Variants in ZPLD1 observed in about 807,000 individuals in gnomAD.
ZPLD1 encodes the protein zona pellucida like domain containing 1.
Under a neutral mutation model 47.2 loss-of-function variants are expected in ZPLD1, and 34 were observed. That is an observed-to-expected ratio of 0.72 (90% CI 0.55 to 0.96). The LOEUF is 0.96. ZPLD1 is among the 40% of genes least tolerant of loss of function. The pLI, the probability that ZPLD1 is intolerant of heterozygous loss-of-function variation, is 0.00. For missense variants in ZPLD1, 512 were observed against 505.8 expected (o/e 1.01, Z -0.12); for synonymous variants, 176 against 186.2 (o/e 0.95, Z 0.45).
chr3:102,440,860 G>A (rs764726985), intron 3 of ZPLD1, among the ~76,000 whole-genome samples: 3 of 151,942 alleles, frequency 2.0e-5, no homozygotes, highest in Non-Finnish European at 4.4e-5. Context: ...TGAGTAAAGG[G>A]AGAGTATTAA....
At chr3:102,418,229 C>T (rs1469000035) in intron 8 of ZPLD1, 3 of 152,368 alleles carry the variant, frequency 2.0e-5, no homozygotes, top group African/African-American at 7.3e-5. Context: ...GCACTGAAGC[C>T]ACCTGAAGTG....
At chr3:102,409,705 T>C (rs1457420360) in intron 7 of ZPLD1, among the ~76,000 whole-genome samples, 1 of 151,812 alleles carries the variant, frequency 6.6e-6, no homozygotes, top group Non-Finnish European at 1.5e-5. Flanking sequence ...CACAATTACC[T>C]ATGGAGTTTC....
At chr3:102,385,694 T>A (rs1427471830) in intron 6 of ZPLD1, among the ~76,000 whole-genome samples, 1 of 152,208 alleles carries the variant, frequency 6.6e-6, no homozygotes, top group Non-Finnish European at 1.5e-5. Flanking sequence ...CTACACAGAA[T>A]CATGTGCCAA....
At chr3:102,447,347 A>C (rs1268383247) in intron 3 of ZPLD1, among the ~76,000 whole-genome samples, 1 of 152,162 alleles carries the variant, frequency 6.6e-6, no homozygotes, top group East Asian at 1.9e-4. Context: ...TACAAGCGTG[A>C]GCCACCACAC....
intron 3 of ZPLD1, among the ~76,000 whole-genome samples, chr3:102,450,390 C>T (rs1707319461): frequency 6.6e-6 from 1 of 152,272 alleles, no homozygotes; most frequent in Admixed American, 6.5e-5. Flanking sequence ...TTCTCGTGCT[C>T]CTATTGTAGG....
chr3:102,446,474 C>T (rs996512121), intron 3 of ZPLD1, among the ~76,000 whole-genome samples: 1 of 151,892 alleles, frequency 6.6e-6, no homozygotes, highest in African/African-American at 2.4e-5. Flanking sequence ...GTTTTCTGTC[C>T]CCAAATATTA....
At chr3:102,427,165 CGTGATT>C (rs1706958186) in intron 8 of ZPLD1, among the ~76,000 whole-genome samples, 1 of 152,148 alleles carries the variant, frequency 6.6e-6, no homozygotes, top group African/African-American at 2.4e-5. Flanking sequence ...TATTTTATTT[CGTGATT>C]ATTGCTTCCT....
At chr3:102,428,119 A>C (rs1489476818) in intron 8 of ZPLD1, among the ~76,000 whole-genome samples, 3 of 152,210 alleles carry the variant, frequency 2.0e-5, no homozygotes, top group Non-Finnish European at 4.4e-5. Context: ...TGCAATTAAT[A>C]AAAATAGTAT....
chr3:102,437,745 T>C (rs1211366623), intron 2 of ZPLD1, among the ~76,000 whole-genome samples: 1 of 152,236 alleles, frequency 6.6e-6, no homozygotes, highest in Non-Finnish European at 1.5e-5. Flanking sequence ...CAACCCACAC[T>C]GATACATTTA....
At chr3:102,392,572 C>A (rs959280302) in intron 7 of ZPLD1, among the ~76,000 whole-genome samples, 1 of 150,442 alleles carries the variant, frequency 6.6e-6, no homozygotes, top group African/African-American at 2.5e-5. Context: ...CCTCCTTCCT[C>A]CTTCCCCCTT....
chr3:102,472,574 C>G (rs1241525687), intron 10 of ZPLD1, among the ~76,000 whole-genome samples: 1 of 151,280 alleles, frequency 6.6e-6, no homozygotes, highest in Non-Finnish European at 1.5e-5. Flanking sequence ...TGTGAAAGTT[C>G]CATTTTTGAT....
chr3:102,447,373 T>C (rs567070523), intron 3 of ZPLD1, among the ~76,000 whole-genome samples: 14 of 152,268 alleles, frequency 9.2e-5, no homozygotes, highest in African/African-American at 2.4e-4. Flanking sequence ...CTCCCCATCC[T>C]TTTTCTTTTA....
intron 10 of ZPLD1, 145 bp downstream of exon 10, chr3:102,470,647 C>T (rs746560043): frequency 1.1e-5 from 7 of 639,112 alleles, no homozygotes; most frequent in Admixed American, 5.9e-5. Flanking sequence ...TTTAATTTCA[C>T]AGTAGTTTCC....
intron 6 of ZPLD1, among the ~76,000 whole-genome samples, chr3:102,385,609 G>A (rs191767234): frequency 6.6e-5 from 10 of 152,210 alleles, no homozygotes; most frequent in African/African-American, 2.2e-4. Flanking sequence ...TTAAATACTT[G>A]TGTATACACC....
At position 102,415,642 on chromosome 3, in the gene ZPLD1, G is replaced by C. The variant is rs1195603169; in HGVS notation, c.-156-2418G>C. Among the ~76,000 whole-genome samples, 5 of 151,888 alleles carry C rather than the reference G, an allele frequency of 3.3e-5. No homozygotes were observed. The South Asian group carries it at 8.3e-4, about 25-fold the overall frequency. On this transcript the variant is annotated intron_variant, in intron 7 of 17. Coordinates refer to the ZPLD1 transcript ENST00000491959. ...TAATCTGCTTTTCCCATATTGAAAAGGTGCTTATACTGAATAATATAAAGG... is the reference window on the plus strand; with the variant it reads ...TAATCTGCTTTTCCCATATTGAAAACGTGCTTATACTGAATAATATAAAGG...
intron 10 of ZPLD1, among the ~76,000 whole-genome samples, chr3:102,476,803 A>T (rs556055161): frequency 6.6e-6 from 1 of 152,168 alleles, no homozygotes; most frequent in South Asian, 2.1e-4. Context: ...TAGAAAGATG[A>T]TGAAATCCAG....
intron 3 of ZPLD1, among the ~76,000 whole-genome samples, chr3:102,444,135 T>G (rs559189587): frequency 6.6e-6 from 1 of 152,238 alleles, no homozygotes; most frequent in South Asian, 2.1e-4. Flanking sequence ...AATTTTCACT[T>G]TTTGTTTTTA....
chr3:102,466,555 T>C (rs1406538965), intron 8 of ZPLD1, among the ~76,000 whole-genome samples: 1 of 152,026 alleles, frequency 6.6e-6, no homozygotes, highest in Non-Finnish European at 1.5e-5. Context: ...GTTATGAAGA[T>C]AGAATTATGA....
intron 1 of ZPLD1, among the ~76,000 whole-genome samples, chr3:102,435,594 C>A (rs975154202): frequency 3.3e-5 from 5 of 150,210 alleles, no homozygotes; most frequent in African/African-American, 4.9e-5. Context: ...CTATACTATA[C>A]TTTATGCACT....
Sources: allele counts gnomAD v4.1 joint callset (sites outside exome capture counted in the v4.1 genomes callset), GRCh38; gene constraint gnomAD v4.1.1; transcripts MANE v1.5; gene names NCBI Gene and HGNC (gene_info 2026-07-23, HGNC 2026-07-21).